CBLB: variants seen among roughly 807,000 people sequenced by gnomAD.
CBLB encodes E3 ubiquitin-protein ligase CBL-B.
In CBLB, 31 loss-of-function variants were observed where a neutral mutation model predicts 104.9. The ratio of observed to expected loss-of-function variants is 0.30; its 90% confidence interval spans 0.22 to 0.40. CBLB has a LOEUF of 0.40. Among genes scored for constraint, CBLB ranks in the 10% least tolerant of loss-of-function variants. CBLB has a pLI of 1.00. For missense variants in CBLB, 1,062 were observed against 1,214.6 expected, an observed-to-expected ratio of 0.87 and a Z score of 1.87; for synonymous variants, 440 against 422.6, an observed-to-expected ratio of 1.04 and a Z score of -0.51.
intron 3 of CBLB, among the ~76,000 whole-genome samples, chr3:105,819,348 G>A (rs1049567559): frequency 1.3e-5 from 2 of 152,064 alleles, no homozygotes; most frequent in South Asian, 2.1e-4. Flanking sequence ...TTAGCCAGGC[G>A]TGGTGGCACA....
intron 8 of CBLB, among the ~76,000 whole-genome samples, chr3:105,736,583 T>A (rs13096691): frequency 6.6e-6 from 1 of 152,180 alleles, no homozygotes; most frequent in East Asian, 1.9e-4. Flanking sequence ...TTTTCGCTTT[T>A]ACAAAAAATA....
At chr3:105,822,151 G>A (rs2085958544) in intron 3 of CBLB, among the ~76,000 whole-genome samples, 2 of 151,574 alleles carry the variant, frequency 1.3e-5, no homozygotes, top group Admixed American at 1.3e-4. Context: ...AACATATATG[G>A]TGCACACACA....
At chr3:105,836,788 G>A (rs1425013194) in intron 3 of CBLB, among the ~76,000 whole-genome samples, 4 of 152,080 alleles carry the variant, frequency 2.6e-5, no homozygotes, top group African/African-American at 7.2e-5. Context: ...AGCTATGTGA[G>A]GGGGCGCAAC....
intron 1 of CBLB, chr3:105,868,111 C>T (rs896358927): frequency 3.0e-6 from 2 of 657,442 alleles, no homozygotes; most frequent in East Asian, 3.4e-5. Context: ...GCTCTGTTGT[C>T]AACAAAAGCG....
chr3:105,739,844 C>T (rs187040799), intron 7 of CBLB, among the ~76,000 whole-genome samples: 37 of 152,300 alleles, frequency 2.4e-4, no homozygotes, highest in Non-Finnish European at 4.3e-4. Context: ...GTGGCTCATG[C>T]CTGTAATCCC....
chr3:105,738,766 T>G (rs377126474), intron 7 of CBLB, among the ~76,000 whole-genome samples: 1 of 152,206 alleles, frequency 6.6e-6, no homozygotes, highest in African/African-American at 2.4e-5. Context: ...AAAGCTTTGA[T>G]GCATTAGAAG....
At chr3:105,851,723 T>C (rs2090976072) in intron 3 of CBLB, among the ~76,000 whole-genome samples, 1 of 152,208 alleles carries the variant, frequency 6.6e-6, no homozygotes, top group Non-Finnish European at 1.5e-5. Flanking sequence ...TCTCATGAAC[T>C]AGCTACTATC....
At chr3:105,738,181 G>A (rs1251817787) in intron 7 of CBLB, among the ~76,000 whole-genome samples, 2 of 152,010 alleles carry the variant, frequency 1.3e-5, no homozygotes, top group African/African-American at 4.8e-5. Flanking sequence ...TAGTACTGTA[G>A]TATGTATATT....
intron 3 of CBLB, among the ~76,000 whole-genome samples, chr3:105,782,418 A>G (rs1281658852): frequency 1.3e-5 from 2 of 152,118 alleles, no homozygotes; most frequent in African/African-American, 4.8e-5. Flanking sequence ...AACTAATTCC[A>G]AAAAACTACA....
chr3:105,773,254 G>C (rs550568953), intron 4 of CBLB, among the ~76,000 whole-genome samples: 1 of 152,200 alleles, frequency 6.6e-6, no homozygotes, highest in Non-Finnish European at 1.5e-5. Context: ...GATGGAGCTA[G>C]AAACCATTAT....
intron 10 of CBLB, among the ~76,000 whole-genome samples, chr3:105,708,683 G>A (rs1280251920): frequency 1.3e-5 from 2 of 151,862 alleles, no homozygotes; most frequent in Non-Finnish European, 1.5e-5. Context: ...ATGCAGTCTT[G>A]AAAATGTCAC....
intron 1 of CBLB, chr3:105,868,355 T>C: frequency 3.7e-6 from 2 of 536,218 alleles, no homozygotes; most frequent in East Asian, 3.5e-5. Context: ...CTGTGTCCCT[T>C]CCCTGCTCAG....
intron 4 of CBLB, among the ~76,000 whole-genome samples, chr3:105,756,979 G>A (rs1383392444): frequency 6.6e-6 from 1 of 152,084 alleles, no homozygotes; most frequent in Non-Finnish European, 1.5e-5. Flanking sequence ...TAAGTGCACG[G>A]CACCTCCCCT....
chr3:105,774,573 A>T (rs1170116519), intron 4 of CBLB, among the ~76,000 whole-genome samples: 1 of 152,204 alleles, frequency 6.6e-6, no homozygotes, highest in Non-Finnish European at 1.5e-5. Flanking sequence ...GGAGGTAGGG[A>T]AAGTATCTAA....
rs540954808 is a variant in CBLB, at chr3:105,690,132, ATGTAAGGT to A, written c.2054+3354_2054+3361del. On this transcript the variant is annotated intron_variant, in intron 13 of 18. Coordinates refer to ENST00000394030, the MANE Select transcript of CBLB (RefSeq NM_170662.5). Reference sequence around the variant, plus strand: ...AAATATTTATAACAACATAGTATAAATGTAAGGTAAATGTTAGCTTTGACATTCTTGGA... The same window carrying A: ...AAATATTTATAACAACATAGTATAAAAAATGTTAGCTTTGACATTCTTGGA... 4.9e-3 allele frequency among the ~76,000 whole-genome samples: 740 copies of A among 152,316 alleles called. 5 individuals carry two copies. Among genetic ancestry groups the A allele is most frequent in the Non-Finnish European group, 8.7e-3 (590 of 68,020 alleles).
intron 9 of CBLB, among the ~76,000 whole-genome samples, chr3:105,730,188 G>C (rs1432831647): frequency 6.6e-6 from 1 of 151,902 alleles, no homozygotes; most frequent in Non-Finnish European, 1.5e-5. Flanking sequence ...TTCTGTGTTA[G>C]TGCTGGTAGT....
At chr3:105,831,765 A>G (rs952210799) in intron 3 of CBLB, among the ~76,000 whole-genome samples, 1 of 152,236 alleles carries the variant, frequency 6.6e-6, no homozygotes, top group African/African-American at 2.4e-5. Flanking sequence ...ATGTAGAATC[A>G]AAAGAAAAAC....
intron 2 of CBLB, among the ~76,000 whole-genome samples, chr3:105,856,362 AAAAAAAG>A (rs1161165798): frequency 4.6e-5 from 7 of 151,696 alleles, no homozygotes; most frequent in Non-Finnish European, 5.9e-5. Flanking sequence ...AAAAAAAAAA[AAAAAAAG>A]AAAAGGAAAA....
In CBLB at chr3:105,658,605, G is replaced by T; in HGVS notation, c.*365C>A. The T allele has an allele frequency of 2.7e-6, 1 of 376,344 alleles. No individual in the cohort carries two copies. Among genetic ancestry groups the T allele is most frequent in the Non-Finnish European group, 4.9e-6 (1 of 202,898 alleles). The allele number at this position is 376,344 out of a possible 1,614,324, so 23.3% of individuals were successfully genotyped here. Reference sequence around the variant, plus strand: ...CTACAAAGGGTCTGTGAAGAACACAGTACAGGTATCAAAACACCAAAACAA... The same window carrying T: ...CTACAAAGGGTCTGTGAAGAACACATTACAGGTATCAAAACACCAAAACAA... On this transcript the variant is annotated 3_prime_UTR_variant, in exon 19 of 19. Transcript: ENST00000394030.
Sources: allele counts gnomAD v4.1 joint callset (sites outside exome capture counted in the v4.1 genomes callset), GRCh38; gene constraint gnomAD v4.1.1; transcripts MANE v1.5; gene names NCBI Gene and HGNC (gene_info 2026-07-23, HGNC 2026-07-21).